EXTL3: variants seen among roughly 807,000 people sequenced by gnomAD.
EXTL3 encodes exostosin like glycosyltransferase 3, also known as exostosin-like 3.
Under a neutral mutation model 69.3 loss-of-function variants are expected in EXTL3, and 27 were observed. The ratio of observed to expected loss-of-function variants is 0.39; its 90% CI spans 0.29 to 0.54. The LOEUF (loss-of-function observed/expected upper bound fraction) is 0.54, where lower values mean the gene tolerates loss of function less well. EXTL3 is among the 20% of genes least tolerant of loss of function. The pLI, the probability that EXTL3 is intolerant of heterozygous loss-of-function variation, is 0.69. For missense variants in EXTL3, 1,003 were observed against 1,231.8 expected (o/e 0.81, Z 2.78); for synonymous variants, 511 against 499.4 (o/e 1.02, Z -0.31).
At chr8:28,729,481 A>G (rs1056469887) in intron 3 of EXTL3, among the ~76,000 whole-genome samples, 1 of 149,062 alleles carries the variant, frequency 6.7e-6, no homozygotes, top group Non-Finnish European at 1.5e-5. Flanking sequence ...CTGTAATCCC[A>G]GCTACTTGGG....
At chr8:28,726,884 T>C (rs867585500) in intron 3 of EXTL3, among the ~76,000 whole-genome samples, 41 of 121,674 alleles carry the variant, frequency 3.4e-4, no homozygotes, top group East Asian at 1.4e-3. Context: ...CTTTTCTTTT[T>C]TTTTTTTTTT....
intron 1 of EXTL3, among the ~76,000 whole-genome samples, chr8:28,694,992 G>A (rs1223017736): frequency 6.6e-6 from 1 of 152,012 alleles, no homozygotes; most frequent in Non-Finnish European, 1.5e-5. Context: ...CTTCAGCCTG[G>A]GTGGCAGAGT....
chr8:28,717,679 C>T lies in EXTL3; in HGVS notation c.1620C>T (p.Ile540=), dbSNP rs956170870. 3 of 1,614,124 alleles carry T rather than the reference C, an allele frequency of 1.9e-6. No individual in the cohort carries two copies. The highest frequency in any genetic ancestry group is 2.5e-6 in the Non-Finnish European group (3 of 1,180,050). Reference sequence around the variant, plus strand: ...CTATGATTAGGACTCGCATCCAGATCCCAGCCGCTCCCATCCGGGAAGAGG... The same window carrying T: ...CTATGATTAGGACTCGCATCCAGATTCCAGCCGCTCCCATCCGGGAAGAGG... ...VLAMIRTRIQ[I]PAAPIREEAA... Residue 540 remains isoleucine, a synonymous_variant, in exon 3 of 7, where the codon ATC becomes ATT. Transcript: ENST00000220562. The surrounding 1 kb of genome is among the most constrained non-coding windows in gnomAD (Gnocchi z 8.3).
intron 5 of EXTL3, chr8:28,742,753 T>C (rs547004229): frequency 3.6e-6 from 1 of 280,170 alleles, no homozygotes; most frequent in African/African-American, 2.2e-5. Context: ...TTTTGGCCAT[T>C]GTTAGAGATA....
At chr8:28,681,731 C>T (rs1320333310) in intron 1 of EXTL3, among the ~76,000 whole-genome samples, 1 of 151,942 alleles carries the variant, frequency 6.6e-6, no homozygotes, top group Non-Finnish European at 1.5e-5. Flanking sequence ...TACTGTTTTT[C>T]CATAATGATT....
chr8:28,728,292 G>T (rs1563219643), intron 3 of EXTL3, among the ~76,000 whole-genome samples: 1 of 152,228 alleles, frequency 6.6e-6, no homozygotes, highest in Non-Finnish European at 1.5e-5. Context: ...CCGCCCTTTG[G>T]CGAGTGGAAC....
chr8:28,658,936 G>C (rs1363282562), intron 1 of EXTL3, among the ~76,000 whole-genome samples: 3 of 152,200 alleles, frequency 2.0e-5, no homozygotes, highest in Non-Finnish European at 2.9e-5. Context: ...GTAGCACAAT[G>C]TATTTCATCA....
At chr8:28,713,685 T>C in intron 2 of EXTL3, 135 bp downstream of exon 2, 1 of 618,480 alleles carries the variant, frequency 1.6e-6, no homozygotes. Flanking sequence ...TTTAAACATT[T>C]GAATCACAAG....
chr8:28,744,754 C>T (rs942745807), intron 6 of EXTL3, among the ~76,000 whole-genome samples: 1 of 150,910 alleles, frequency 6.6e-6, no homozygotes, highest in African/African-American at 2.4e-5. Flanking sequence ...GATCGCGCCA[C>T]TGCACTCCAG....
chr8:28,719,282 G>A (rs930436434), intron 3 of EXTL3, among the ~76,000 whole-genome samples: 1 of 152,172 alleles, frequency 6.6e-6, no homozygotes, highest in Admixed American at 6.5e-5. Context: ...TTTGATCTCA[G>A]CATTAAAGAG....
In EXTL3 at chr8:28,625,568, CAAT is replaced by C. The variant is rs1806478078; in HGVS notation, c.-53+2764_-53+2766del. On this transcript the variant is annotated intron_variant, in intron 1 of 6. Coordinates refer to the EXTL3 transcript ENST00000523149. Reference sequence around the variant, plus strand: ...CTCATACATGAACTGTCCAGGTTTCCAATAATAAAAACATCACTCTATTCCTAT... The same window carrying C: ...CTCATACATGAACTGTCCAGGTTTCCAATAAAAACATCACTCTATTCCTAT... 2.6e-5 allele frequency among the ~76,000 whole-genome samples: 4 copies of C among 152,148 alleles called. No homozygotes were observed. The South Asian group carries it at 8.3e-4, about 32-fold the overall frequency.
At chr8:28,738,809 C>T (rs961784120) in intron 5 of EXTL3, among the ~76,000 whole-genome samples, 2 of 152,232 alleles carry the variant, frequency 1.3e-5, no homozygotes, top group African/African-American at 2.4e-5. Flanking sequence ...CATAAAGTCT[C>T]ATTTGCAGCT....
chr8:28,634,489 C>T (rs141623581), intron 1 of EXTL3, among the ~76,000 whole-genome samples: 4 of 152,210 alleles, frequency 2.6e-5, no homozygotes, highest in African/African-American at 7.2e-5. Context: ...CCCAACCTGG[C>T]GGAATCCTCA....
intron 1 of EXTL3, chr8:28,696,176 T>A (rs1800683922): frequency 1.3e-5 from 2 of 152,190 alleles, no homozygotes; most frequent in Admixed American, 1.3e-4. Context: ...ATTACAGGTG[T>A]GAGCCCACCA....
chr8:28,629,132 G>A (rs750203682), intron 1 of EXTL3, among the ~76,000 whole-genome samples: 3 of 152,080 alleles, frequency 2.0e-5, no homozygotes, highest in African/African-American at 4.8e-5. Flanking sequence ...AGGATGTGAA[G>A]CCAAAACCTG....
At chr8:28,739,935 T>A (rs965491734) in intron 5 of EXTL3, 4 of 152,228 alleles carry the variant, frequency 2.6e-5, no homozygotes, top group African/African-American at 9.7e-5. Flanking sequence ...TTCAGACTGT[T>A]CTTTAAAACC....
chr8:28,619,761 C>G (rs1806383893), upstream of EXTL3, among the ~76,000 whole-genome samples: 1 of 148,748 alleles, frequency 6.7e-6, no homozygotes. Flanking sequence ...GCACAGGCAT[C>G]TGCAGACACC....
chr8:28,667,809 T>A (rs1807219578), intron 1 of EXTL3, among the ~76,000 whole-genome samples: 1 of 151,204 alleles, frequency 6.6e-6, no homozygotes, highest in African/African-American at 2.4e-5. Flanking sequence ...CATGTATACA[T>A]ATGTAACAAA....
At chr8:28,647,858 C>T (rs933526474) in intron 1 of EXTL3, among the ~76,000 whole-genome samples, 3 of 150,758 alleles carry the variant, frequency 2.0e-5, no homozygotes, top group African/African-American at 7.3e-5. Context: ...AGGTGACTCT[C>T]CTCAGTGTGT....
Sources: gnomAD v4.1 joint callset for allele counts (sites outside exome capture counted in the v4.1 genomes callset) on GRCh38, gnomAD v4.1.1 for gene constraint, Gnocchi (gnomAD v3.1) non-coding constraint, MANE v1.5 for transcripts, NCBI Gene and HGNC (gene_info 2026-07-23, HGNC 2026-07-21) for gene names.